Variants in LGMN observed in about 807,000 individuals in gnomAD.
LGMN encodes the protein asparaginyl endopeptidase.
A neutral mutation model predicts 56.8 loss-of-function variants in LGMN; 36 were observed. That is an observed-to-expected ratio of 0.63 (90% confidence interval 0.49 to 0.84). The LOEUF is 0.84. LGMN is among the 40% of genes least tolerant of loss of function. The probability of loss-of-function intolerance (pLI) is 0.00; values close to 1 mark genes in which losing one functional copy is unlikely to be tolerated. For missense variants in LGMN, 446 were observed against 556.1 expected (o/e 0.80, Z 1.99); for synonymous variants, 199 against 210.1 (o/e 0.95, Z 0.46).
At chr14:92,716,260 G>T (rs370001435) in intron 4 of LGMN, 39 bp from the exon 5 acceptor site, 4 of 1,456,056 alleles carry the variant, frequency 2.7e-6, no homozygotes, top group Non-Finnish European at 3.9e-6. Flanking sequence ...TGCAGCTGTC[G>T]CTCCAACCCA....
chr14:92,742,498 G>C (rs118089298), intron 1 of LGMN, among the ~76,000 whole-genome samples: 1 of 151,952 alleles, frequency 6.6e-6, no homozygotes, highest in Non-Finnish European at 1.5e-5. Context: ...TGTTGGCCAG[G>C]CTGGTCTCGA....
At position 92,740,108 on chromosome 14, in the gene LGMN, C is replaced by T. The variant is rs150735744; in HGVS notation, c.-29-7293G>A. ...TACTAAAAATACAAAATTAGCTGGG[C>T]GTGGTTGTACATGCCTGTAATCCCA... On this transcript the variant is annotated intron_variant, in intron 1 of 13. Coordinates refer to ENST00000334869, the MANE Select transcript of LGMN (RefSeq NM_005606.7). Among the ~76,000 whole-genome samples, 318 of 152,276 alleles carry T rather than the reference C, an allele frequency of 2.1e-3. 4 individuals carry two copies. Among genetic ancestry groups the T allele is most frequent in the African/African-American group, 7.3e-3 (304 of 41,550 alleles).
In LGMN at chr14:92,704,091, C is replaced by T; in HGVS notation, c.*228G>A. The T allele has an allele frequency of 2.8e-6, 2 of 706,378 alleles. No homozygotes were observed. The highest frequency in any genetic ancestry group is 5.1e-6 in the Non-Finnish European group (2 of 388,786). The allele number at this position is 706,378 out of a possible 1,614,324, so 43.8% of individuals were successfully genotyped here. On this transcript the variant is annotated 3_prime_UTR_variant, in exon 14 of 14. Coordinates refer to ENST00000334869, the MANE Select transcript of LGMN (RefSeq NM_005606.7). Reference sequence around the variant, plus strand: ...CCTAGAAAGCAAATATGACCCTTCTCAATACAGAGCTTTTCCCACCCTAAT... The same window carrying T: ...CCTAGAAAGCAAATATGACCCTTCTTAATACAGAGCTTTTCCCACCCTAAT...
Position 92,706,490 on chromosome 14 carries a change from G to C in LGMN, c.1184C>G (p.Ser395Cys), listed in dbSNP as rs138973517. Residue 395 changes from serine to cysteine, a missense_variant, in exon 12 of 14, where the codon TCC becomes TGC. Ser to Cys is a moderately radical substitution (Grantham distance 112). Coordinates refer to ENST00000334869, the MANE Select transcript of LGMN (RefSeq NM_005606.7). ...GAGAGCCTGCTGGCTCACCGTGGGG[G>C]AGTGCCAGTTGAAGCAGTGGGTCCG... ...HFRTHCFNWH[S>C]PTYEYALRHL... 751 of 1,549,170 alleles carry C rather than the reference G, an allele frequency of 4.8e-4. 1 individual carries two copies. The highest frequency in any genetic ancestry group is 5.4e-4 in the Non-Finnish European group (613 of 1,135,968).
chr14:92,715,214 G>GTGTGTGTGT (rs1555397591), intron 5 of LGMN, among the ~76,000 whole-genome samples: 4 of 149,036 alleles, frequency 2.7e-5, no homozygotes, highest in African/African-American at 9.9e-5. Flanking sequence ...GGTCAGGGTG[G>GTGTGTGTGT]GTGTGTGTGT....
At chr14:92,725,394 A>T (rs1036364561) in intron 2 of LGMN, among the ~76,000 whole-genome samples, 2 of 152,084 alleles carry the variant, frequency 1.3e-5, no homozygotes, top group Middle Eastern at 3.4e-3. Flanking sequence ...ATAAAAAAAA[A>T]TTTTTAACTA....
intron 12 of LGMN, among the ~76,000 whole-genome samples, chr14:92,705,668 C>T (rs1047098788): frequency 1.3e-5 from 2 of 152,018 alleles, no homozygotes; most frequent in Non-Finnish European, 2.9e-5. Context: ...CACTCTGTCG[C>T]CCAGGCTGGA....
At chr14:92,736,969 AG>A (rs946905511) in intron 1 of LGMN, among the ~76,000 whole-genome samples, 3 of 152,214 alleles carry the variant, frequency 2.0e-5, no homozygotes, top group African/African-American at 7.2e-5. Flanking sequence ...CCCACAAGAG[AG>A]GTGTGACAGT....
chr14:92,734,581 A>G (rs1891212329), intron 1 of LGMN, among the ~76,000 whole-genome samples: 1 of 152,070 alleles, frequency 6.6e-6, no homozygotes, highest in South Asian at 2.1e-4. Context: ...TGAAGGATAC[A>G]GTGAGCCTGC....
At chr14:92,712,714 CCTGCTTACGGAGAA>C in intron 8 of LGMN, 77 bp downstream of exon 8, 1 of 1,257,138 alleles carries the variant, frequency 8.0e-7, no homozygotes, top group East Asian at 2.5e-5. Context: ...CTCAGCAGCC[CCTGCTTACGGAGAA>C]TGCTCAGTTC....
At chr14:92,719,236 G>GCCACCACCACCACCGCCACCA in intron 2 of LGMN, among the ~76,000 whole-genome samples, 1 of 72,870 alleles carries the variant, frequency 1.4e-5, no homozygotes, top group South Asian at 5.8e-4. Context: ...CACCGCCACC[G>GCCACCACCACCACCGCCACCA]CCACCACCGC....
At position 92,708,856 on chromosome 14, in the gene LGMN, C is replaced by CAAAAAAAA. The variant is rs58813848; in HGVS notation, c.1020+808_1020+815dup. ...TGGCGACAGAGCAAGACTCTTGTCT[C>CAAAAAAAA]AAAAAAAAAAAAAAAAAAAAAAAAA... On this transcript the variant is annotated intron_variant, in intron 11 of 13. Coordinates refer to ENST00000334869, the MANE Select transcript of LGMN (RefSeq NM_005606.7). Among the ~76,000 whole-genome samples, 637 of 71,580 alleles carry CAAAAAAAA rather than the reference C, an allele frequency of 8.9e-3. 58 individuals are homozygous for CAAAAAAAA. Among genetic ancestry groups the CAAAAAAAA allele is most frequent in the African/African-American group, 0.029 (554 of 19,418 alleles). The allele number at this position is 71,580 out of a possible 152,430, so 47.0% of individuals were successfully genotyped here. A position where few individuals can be genotyped will look rare whatever the true frequency, so the allele number is the denominator to read the frequency against.
intron 1 of LGMN, among the ~76,000 whole-genome samples, chr14:92,735,835 G>A (rs1891278465): frequency 6.6e-6 from 1 of 151,490 alleles, no homozygotes; most frequent in African/African-American, 2.4e-5. Flanking sequence ...CGGCTAGTAT[G>A]GCACATAACA....
chr14:92,737,373 A>C (rs1335831712), intron 1 of LGMN, among the ~76,000 whole-genome samples: 1 of 152,046 alleles, frequency 6.6e-6, no homozygotes, highest in Non-Finnish European at 1.5e-5. Context: ...TGATTTACAG[A>C]CCAAAGCATG....
rs761752991 is a variant in LGMN, at chr14:92,716,238, G to A, written c.319-17C>T. 133 of 1,576,404 alleles carry A rather than the reference G, an allele frequency of 8.4e-5. 1 individual carries two copies. The highest frequency in any genetic ancestry group is 2.2e-4 in the South Asian group (20 of 90,350). ...GGTAACATCCTACAAAGAATTAGGA[G>A]CCACAATCAGATGCAGCTGTCGCTC... On this transcript the variant is annotated splice_polypyrimidine_tract_variant and intron_variant, in intron 4 of 13. Coordinates refer to ENST00000334869, the MANE Select transcript of LGMN (RefSeq NM_005606.7).
At chr14:92,745,829 C>CTT (rs11463191) in intron 1 of LGMN, among the ~76,000 whole-genome samples, 50 of 147,748 alleles carry the variant, frequency 3.4e-4, no homozygotes, top group African/African-American at 9.1e-4. Context: ...ATCTCATTTT[C>CTT]TTTTTTTTTT....
intron 1 of LGMN, chr14:92,741,469 G>A (rs2140279723): frequency 6.6e-6 from 1 of 152,272 alleles, no homozygotes; most frequent in Non-Finnish European, 1.5e-5. Context: ...GCCAAGCAAA[G>A]CAGCTAGTTA....
intron 10 of LGMN, among the ~76,000 whole-genome samples, chr14:92,710,882 TC>T (rs1889729017): frequency 1.3e-5 from 2 of 152,220 alleles, no homozygotes; most frequent in South Asian, 4.1e-4. Flanking sequence ...AGGTCTCATG[TC>T]CCCCATCCCA....
chr14:92,718,507 G>A (rs1409339386), intron 3 of LGMN, among the ~76,000 whole-genome samples: 2 of 152,058 alleles, frequency 1.3e-5, no homozygotes. Context: ...CCAGGAAGTG[G>A]AGGTTGCAGT....
Sources: gnomAD v4.1 joint callset for allele counts (sites outside exome capture counted in the v4.1 genomes callset) on GRCh38, gnomAD v4.1.1 for gene constraint, MANE v1.5 for transcripts, NCBI Gene and HGNC (gene_info 2026-07-23, HGNC 2026-07-21) for gene names.